CLHC1: variants seen among roughly 807,000 people sequenced by gnomAD.
CLHC1 encodes clathrin heavy chain linker domain-containing protein 1.
CLHC1 carries 72 observed loss-of-function variants against 69.5 expected under a neutral mutation model. That is an observed-to-expected ratio of 1.04 (90% CI 0.86 to 1.26). The LOEUF (loss-of-function observed/expected upper bound fraction) is 1.26. Ranked by LOEUF, CLHC1 falls within the 50% of genes most tolerant of loss-of-function variation. CLHC1 has a pLI of 0.00. For synonymous variants in CLHC1, 223 were observed against 224.3 expected (o/e 0.99, Z 0.05); for missense variants, 790 against 679.3 (o/e 1.16, Z -1.81).
At chr2:55,191,013 T>C (rs1670874257) in intron 9 of CLHC1, among the ~76,000 whole-genome samples, 1 of 152,044 alleles carries the variant, frequency 6.6e-6, no homozygotes, top group African/African-American at 2.4e-5. Flanking sequence ...AGTACAAAGA[T>C]AAAGATGAAA....
At chr2:55,208,748 G>T (rs773009438) in intron 7 of CLHC1, 38 bp from the exon 8 acceptor site, 1 of 1,373,884 alleles carries the variant, frequency 7.3e-7, no homozygotes, top group South Asian at 1.2e-5. Flanking sequence ...GATATTTAAG[G>T]TTACTTACCA....
intron 9 of CLHC1, among the ~76,000 whole-genome samples, chr2:55,190,427 A>C (rs531453529): frequency 6.6e-6 from 1 of 152,328 alleles, no homozygotes; most frequent in African/African-American, 2.4e-5. Flanking sequence ...TGAGAAAAAA[A>C]TGTAATAAAT....
rs1669949958 is a variant in CLHC1 at position 55,181,675 on chromosome 2, T to C, written c.1076A>G (p.His359Arg). ...LFFEALFITSHAFPCPVDAAL... is the reference protein window; with the variant it reads ...LFFEALFITSRAFPCPVDAAL... ...TGCATCAACAGGACATGGAAAAGCATGACTTGTGATAAAGAGGGCCTCAAA... is the reference window on the plus strand; with the variant it reads ...TGCATCAACAGGACATGGAAAAGCACGACTTGTGATAAAGAGGGCCTCAAA... Residue 359 changes from histidine (H) to arginine (R), a missense_variant, in exon 10 of 13, where the codon CAT becomes CGT. Transcript: ENST00000401408. 1.2e-6 allele frequency: 2 copies of C among 1,613,782 alleles called. No individual in the cohort carries two copies. Among genetic ancestry groups the C allele is most frequent in the Non-Finnish European group, 1.7e-6 (2 of 1,179,862 alleles).
chr2:55,189,934 T>G (rs946966776), intron 9 of CLHC1, among the ~76,000 whole-genome samples: 7 of 152,150 alleles, frequency 4.6e-5, no homozygotes, highest in Non-Finnish European at 1.0e-4. Flanking sequence ...CAGTCCTGCC[T>G]AACAAAATTT....
At chr2:55,199,135 A>G (rs1225870199) in intron 9 of CLHC1, among the ~76,000 whole-genome samples, 2 of 151,730 alleles carry the variant, frequency 1.3e-5, no homozygotes, top group Non-Finnish European at 2.9e-5. Flanking sequence ...CATCTCTACT[A>G]AAATACAAAA....
At chr2:55,218,618 A>T (rs373332567) in intron 3 of CLHC1, 2 of 152,220 alleles carry the variant, frequency 1.3e-5, no homozygotes, top group Non-Finnish European at 2.9e-5. Flanking sequence ...GAAGGACAGG[A>T]GAAGTAGAAT....
intron 5 of CLHC1, among the ~76,000 whole-genome samples, chr2:55,210,963 G>C (rs1043268136): frequency 2.6e-5 from 4 of 152,086 alleles, no homozygotes; most frequent in Non-Finnish European, 5.9e-5. Context: ...CAAAGTGCTA[G>C]TATTACAGGC....
At chr2:55,224,319 T>C in intron 2 of CLHC1, 2 of 467,354 alleles carry the variant, frequency 4.3e-6, no homozygotes, top group South Asian at 3.2e-5. Context: ...TGGGAGTGTT[T>C]GAGTGTGAAC....
chr2:55,173,414 A>G lies in CLHC1; in HGVS notation c.*2376T>C, dbSNP rs1209190731. Among the ~76,000 whole-genome samples the G allele has an allele frequency of 6.6e-6, 1 of 152,222 alleles. No individual in the cohort carries two copies. The highest frequency in any genetic ancestry group is 2.4e-5 in the African/African-American group (1 of 41,446). On this transcript the variant is annotated 3_prime_UTR_variant, in exon 13 of 13. Coordinates refer to ENST00000401408, the MANE Select transcript of CLHC1 (RefSeq NM_152385.4). ...TAGATGTTGTTGATGCTGATGTTGA[A>G]TTGTAGTATTTGAAATTTAGGCTGA... is the stretch of plus-strand genomic sequence containing the variant.
chr2:55,183,374 A>G (rs1670103496), intron 9 of CLHC1, among the ~76,000 whole-genome samples: 1 of 152,208 alleles, frequency 6.6e-6, no homozygotes, highest in Admixed American at 6.5e-5. Flanking sequence ...GCCCTTTTAA[A>G]GGGCAATGGC....
At chr2:55,177,538 C>A in intron 12 of CLHC1, 64 bp downstream of exon 12, 2 of 1,176,800 alleles carry the variant, frequency 1.7e-6, no homozygotes, top group South Asian at 2.0e-5. Context: ...TCATGCATAA[C>A]CATCTTGAAC....
At position 55,217,850 on chromosome 2, in the gene CLHC1, A is replaced by G. The variant is rs1297343150; in HGVS notation, c.326T>C (p.Leu109Ser). The change falls in exon 4 of 13, where the codon TTG becomes TCG. Residue 109 changes from leucine to serine, a missense_variant. Coordinates refer to ENST00000401408, the MANE Select transcript of CLHC1 (RefSeq NM_152385.4). ...LKGLAAEPTA[L>S]VYYRKRTIQL... ...GATTGTTCTTTTCCTGTAATATACC[A>G]AAGCTGTAGGCTCTGCTGCCAAACC... 2.5e-6 allele frequency: 4 copies of G among 1,598,034 alleles called. No homozygotes were observed. Among genetic ancestry groups the G allele is most frequent in the Middle Eastern group, 1.7e-4 (1 of 6,016 alleles).
At chr2:55,210,290 A>G (rs1201880352) in intron 5 of CLHC1, among the ~76,000 whole-genome samples, 1 of 151,856 alleles carries the variant, frequency 6.6e-6, no homozygotes, top group Non-Finnish European at 1.5e-5. Flanking sequence ...TCTGCCTCCC[A>G]GGTTCAAGCA....
chr2:55,207,717 T>C (rs888080084), intron 8 of CLHC1, among the ~76,000 whole-genome samples: 2 of 151,918 alleles, frequency 1.3e-5, no homozygotes, highest in Admixed American at 1.3e-4. Context: ...GGAGCAACTG[T>C]GAGGGGAAAA....
chr2:55,175,523 A>G lies in CLHC1; in HGVS notation c.*267T>C, dbSNP rs921679256. ...TCTGGACATTAGCTTATGTCCTTAG[A>G]TAAAAATGCCCTACACTGTTTCACA... On this transcript the variant is annotated 3_prime_UTR_variant, in exon 13 of 13. Transcript: ENST00000401408. The G allele has an allele frequency of 7.5e-6, 3 of 399,646 alleles. No individual in the cohort carries two copies. The highest frequency in any genetic ancestry group is 6.0e-5 in the African/African-American group (3 of 50,022). The allele number at this position is 399,646 out of a possible 1,614,324, so 24.8% of individuals were successfully genotyped here. A position where few individuals can be genotyped will look rare whatever the true frequency, so the allele number is the denominator to read the frequency against.
rs1674222712 is a variant in CLHC1, at chr2:55,222,421, T to C, written c.-10A>G. The C allele has an allele frequency of 6.2e-7, 1 of 1,610,962 alleles. No individual in the cohort carries two copies. The highest frequency in any genetic ancestry group is 8.5e-7 in the Non-Finnish European group (1 of 1,178,594). ...TTTGATGAACTGACATATTTGACAA[T>C]CTGCACACTTGTTCACTGAAGAACA... is the stretch of plus-strand genomic sequence containing the variant. On this transcript the variant is annotated 5_prime_UTR_variant, in exon 3 of 13. Transcript: ENST00000401408.
Position 55,178,439 on chromosome 2 carries a change from T to G in CLHC1, c.1385-658A>C, listed in dbSNP as rs78553979. Among the ~76,000 whole-genome samples, 125 of 152,390 alleles carry G rather than the reference T, an allele frequency of 8.2e-4. 5 individuals are homozygous for G. In the East Asian group the frequency reaches 0.023, roughly 28 times the overall value. ...GTTAATCTCTATTGGGTTAACCCAATAGTTAACCATTGAGGTAATCTAAAG... is the reference window on the plus strand; with the variant it reads ...GTTAATCTCTATTGGGTTAACCCAAGAGTTAACCATTGAGGTAATCTAAAG... On this transcript the variant is annotated intron_variant, in intron 11 of 12. Transcript: ENST00000401408.
At chr2:55,179,736 A>G (rs79211322) in intron 11 of CLHC1, among the ~76,000 whole-genome samples, 2,171 of 152,282 alleles carry the variant, frequency 0.014, 38 homozygotes, top group African/African-American at 0.048. Flanking sequence ...GGGTCACCCT[A>G]AGGTCCACAG....
rs142548787 is a variant in CLHC1 at position 55,212,780 on chromosome 2, G to C, written c.392C>G (p.Ser131Trp). ...AKMRIIESNS[S>W]KIQSQIDHIK... ...GTGATCTATTTGAGATTGAATCTTC[G>C]AGGAATTACTTTCGATAATCCTCAT... Residue 131 changes from serine (S) to tryptophan (W), a missense_variant, in exon 5 of 13, where the codon TCG becomes TGG. Physicochemically the swap from Ser to Trp is radical, Grantham distance 177. Transcript: ENST00000401408. The C allele has an allele frequency of 2.5e-6, 4 of 1,602,540 alleles. No homozygotes were observed. In the South Asian group the frequency reaches 4.4e-5, roughly 18 times the overall value.
Sources: allele counts gnomAD v4.1 joint callset (sites outside exome capture counted in the v4.1 genomes callset), GRCh38; gene constraint gnomAD v4.1.1; transcripts MANE v1.5; gene names NCBI Gene and HGNC (gene_info 2026-07-23, HGNC 2026-07-21).